Variants in FAAH2 observed in about 807,000 individuals in gnomAD.
FAAH2 encodes the protein fatty-acid amide hydrolase 2.
FAAH2 carries 60 observed loss-of-function variants against 36.9 expected under a neutral mutation model. The ratio of observed to expected loss-of-function variants is 1.63; its 90% CI spans 1.32 to 2.02. The LOEUF is 2.02. Among genes scored for constraint, FAAH2 ranks in the 30% most tolerant of loss-of-function variants. The pLI, the probability that FAAH2 is intolerant of heterozygous loss-of-function variation, is 0.00. For missense variants in FAAH2, 689 were observed against 397.5 expected (o/e 1.73, Z -6.23); for synonymous variants, 214 against 143.8 (o/e 1.49, Z -3.49).
intron 10 of FAAH2, among the ~76,000 whole-genome samples, chrX:57,454,567 A>G (rs551634047): frequency 4.5e-5 from 5 of 112,042 alleles, no homozygotes; most frequent in South Asian, 3.7e-4. Context: ...CAATAAAACA[A>G]TTCAGTAGCT....
the FAAH2 span, among the ~76,000 whole-genome samples, chrX:57,240,495 C>T: frequency 9.0e-6 from 1 of 111,552 alleles, no homozygotes; most frequent in East Asian, 2.9e-4. Flanking sequence ...GGGTTCCATG[C>T]ATGCATGCAT....
intron 8 of FAAH2, among the ~76,000 whole-genome samples, chrX:57,444,860 C>A (rs1368222641): frequency 1.8e-5 from 2 of 111,636 alleles, no homozygotes; most frequent in African/African-American, 6.5e-5. Context: ...TAAAAAATGT[C>A]TCTGACGGAA....
At position 57,352,306 on chromosome X, in the gene FAAH2, C is replaced by T. The variant is rs1022294328; in HGVS notation, c.742+10916C>T. ...TTATACCAGGGATGTAAAAATGGTT[C>T]GACATAGGCAAATAAGTAAATGTGA... On this transcript the variant is annotated intron_variant, in intron 5 of 10. Transcript: ENST00000374900. 6.7e-5 allele frequency among the ~76,000 whole-genome samples: 7 copies of T among 104,549 alleles called. No homozygotes were observed. In the South Asian group the frequency reaches 2.1e-3, roughly 31 times the overall value. 90.8% of individuals were successfully genotyped at this position (104,549 alleles called of 115,157 possible). A position where few individuals can be genotyped will look rare whatever the true frequency, so the allele number is the denominator to read the frequency against.
chrX:57,278,511 G>C, the FAAH2 span, among the ~76,000 whole-genome samples: 1 of 111,346 alleles, frequency 9.0e-6, no homozygotes, highest in Admixed American at 9.6e-5. Flanking sequence ...ATTCAGGATA[G>C]AGACATGGGC....
At chrX:57,458,420 G>T (rs745939899) in intron 10 of FAAH2, among the ~76,000 whole-genome samples, 36 of 111,191 alleles carry the variant, frequency 3.2e-4, no homozygotes, top group South Asian at 3.9e-4. Context: ...TTGAACCCAG[G>T]AGGCAGAGGT....
intron 7 of FAAH2, among the ~76,000 whole-genome samples, chrX:57,410,069 G>C (rs1415526250): frequency 1.8e-5 from 2 of 109,481 alleles, no homozygotes; most frequent in African/African-American, 6.6e-5. Flanking sequence ...TTGGTGTGTT[G>C]TGTTTTTGTT....
In FAAH2 at chrX:57,488,996, T is replaced by C. The variant is rs2057525182; in HGVS notation, c.*64T>C. 2 of 1,058,008 alleles carry C rather than the reference T, an allele frequency of 1.9e-6. No individual in the cohort carries two copies. The highest frequency in any genetic ancestry group is 1.9e-5 in the African/African-American group (1 of 52,588). 87.2% of individuals were successfully genotyped at this position (1,058,008 alleles called of 1,213,427 possible). A position where few individuals can be genotyped will look rare whatever the true frequency, so the allele number is the denominator to read the frequency against. On this transcript the variant is annotated 3_prime_UTR_variant, in exon 11 of 11. Coordinates refer to ENST00000374900, the MANE Select transcript of FAAH2 (RefSeq NM_174912.4). ...GTTCGTGTGGTGGTGTTTCTATTAATTGGGTGAAATCAAGCACCAGCAGAC... is the reference window on the plus strand; with the variant it reads ...GTTCGTGTGGTGGTGTTTCTATTAACTGGGTGAAATCAAGCACCAGCAGAC...
chrX:57,480,794 G>T (rs915081919), intron 10 of FAAH2, among the ~76,000 whole-genome samples: 8 of 111,016 alleles, frequency 7.2e-5, no homozygotes, highest in African/African-American at 1.6e-4. Flanking sequence ...GTCTTGCTAG[G>T]TTGGGGAATT....
At chrX:57,382,405 T>A (rs1193593243) in intron 7 of FAAH2, among the ~76,000 whole-genome samples, 1 of 110,726 alleles carries the variant, frequency 9.0e-6, no homozygotes, top group African/African-American at 3.3e-5. Context: ...TTTGACAAGA[T>A]CAACAAAATT....
intron 10 of FAAH2, among the ~76,000 whole-genome samples, chrX:57,483,384 A>G (rs2057415699): frequency 9.0e-6 from 1 of 110,855 alleles, no homozygotes; most frequent in Admixed American, 9.7e-5. Flanking sequence ...TTTTAAAAAA[A>G]TATATTTATC....
At chrX:57,261,181 GCAGTGGGATT>G in the FAAH2 span, among the ~76,000 whole-genome samples, 9 of 111,573 alleles carry the variant, frequency 8.1e-5, no homozygotes, top group Non-Finnish European at 1.9e-5. Context: ...GTAGACCCAT[GCAGTGGGATT>G]CTAATGAGCA....
intron 7 of FAAH2, among the ~76,000 whole-genome samples, chrX:57,386,876 C>A (rs1314472552): frequency 8.9e-6 from 1 of 112,007 alleles, no homozygotes; most frequent in African/African-American, 3.2e-5. Context: ...GGAGAGCTAT[C>A]ACAGAATAGT....
chrX:57,178,722 A>G, the FAAH2 span, among the ~76,000 whole-genome samples: 3 of 111,897 alleles, frequency 2.7e-5, no homozygotes, highest in Non-Finnish European at 5.6e-5. Flanking sequence ...TTCACATGGG[A>G]AGCAGAGAGT....
At chrX:57,301,095 A>T (rs2052347355) in intron 2 of FAAH2, among the ~76,000 whole-genome samples, 1 of 108,428 alleles carries the variant, frequency 9.2e-6, no homozygotes, top group African/African-American at 3.3e-5. Context: ...CATTTGATCC[A>T]GCCATCCCAT....
chrX:57,165,084 T>G, the FAAH2 span, among the ~76,000 whole-genome samples: 1 of 112,529 alleles, frequency 8.9e-6, no homozygotes, highest in African/African-American at 3.2e-5. Context: ...ACTTTTTCAC[T>G]GTTGGTGGGA....
chrX:57,162,052 C>G, the FAAH2 span, among the ~76,000 whole-genome samples: 14 of 111,299 alleles, frequency 1.3e-4, no homozygotes, highest in African/African-American at 4.6e-4. Flanking sequence ...TTAGGGTAGG[C>G]CTGGTGGTGA....
intron 7 of FAAH2, among the ~76,000 whole-genome samples, chrX:57,407,658 G>T (rs2055600784): frequency 9.0e-6 from 1 of 111,589 alleles, no homozygotes; most frequent in African/African-American, 3.3e-5. Context: ...TCTTTTATGA[G>T]GAGAACTGGC....
At chrX:57,219,201 C>G in the FAAH2 span, among the ~76,000 whole-genome samples, 1 of 111,996 alleles carries the variant, frequency 8.9e-6, no homozygotes, top group Non-Finnish European at 1.9e-5. Flanking sequence ...TCACTTGGTG[C>G]TAACGCCATT....
chrX:57,328,447 C>T (rs1426332189), intron 3 of FAAH2, among the ~76,000 whole-genome samples: 3 of 111,598 alleles, frequency 2.7e-5, no homozygotes, highest in African/African-American at 9.8e-5. Context: ...TTTTGTCTTT[C>T]AGCTCCTGTA....
Sources: gnomAD v4.1 joint callset for allele counts (sites outside exome capture counted in the v4.1 genomes callset) on GRCh38, gnomAD v4.1.1 for gene constraint, MANE v1.5 for transcripts, NCBI Gene and HGNC (gene_info 2026-07-23, HGNC 2026-07-21) for gene names.